Variants in NKAIN3 observed in about 807,000 individuals in gnomAD.
NKAIN3 encodes the protein sodium/potassium-transporting ATPase subunit beta-1-interacting protein 3.
NKAIN3 carries 25 observed loss-of-function variants against 30.2 expected under a neutral mutation model. That is an observed-to-expected ratio of 0.83 (90% CI 0.60 to 1.16). The LOEUF (loss-of-function observed/expected upper bound fraction) is 1.16. Ranked by LOEUF, NKAIN3 falls within the 50% of genes most tolerant of loss-of-function variation. The pLI is 0.00. For missense variants in NKAIN3, 225 were observed against 254.1 expected (o/e 0.89, Z 0.78); for synonymous variants, 91 against 89.6 (o/e 1.02, Z -0.09).
At chr8:62,478,774 G>T (rs138398196) in intron 1 of NKAIN3, among the ~76,000 whole-genome samples, 209 of 152,276 alleles carry the variant, frequency 1.4e-3, no homozygotes, top group Non-Finnish European at 2.4e-3. Context: ...TCAGGGTTAG[G>T]GGGTTGCTGA....
chr8:62,813,650 C>T (rs1040015603), intron 4 of NKAIN3, among the ~76,000 whole-genome samples: 33 of 151,822 alleles, frequency 2.2e-4, no homozygotes, highest in African/African-American at 7.2e-4. Context: ...ACTCTTTGTT[C>T]CTTTCTTCCA....
intron 4 of NKAIN3, among the ~76,000 whole-genome samples, chr8:62,905,748 C>T (rs888513126): frequency 6.6e-6 from 1 of 152,142 alleles, no homozygotes; most frequent in Admixed American, 6.5e-5. Flanking sequence ...TTCTGTACCC[C>T]TCATACTTCT....
At chr8:62,372,496 C>A (rs539921991) in intron 1 of NKAIN3, among the ~76,000 whole-genome samples, 1 of 151,922 alleles carries the variant, frequency 6.6e-6, no homozygotes, top group Admixed American at 6.5e-5. Flanking sequence ...AAGTGAATAC[C>A]TTTAGACATT....
At chr8:62,680,774 A>G (rs1175550498) in intron 3 of NKAIN3, among the ~76,000 whole-genome samples, 1 of 152,108 alleles carries the variant, frequency 6.6e-6, no homozygotes, top group African/African-American at 2.4e-5. Context: ...CCAAACTTTT[A>G]TACTAAATCA....
At chr8:62,572,342 C>T (rs1462639534) in intron 1 of NKAIN3, among the ~76,000 whole-genome samples, 1 of 152,162 alleles carries the variant, frequency 6.6e-6, no homozygotes, top group African/African-American at 2.4e-5. Flanking sequence ...CCTTGTTGTT[C>T]AAATCACTAT....
chr8:62,828,815 C>T (rs776595009), intron 4 of NKAIN3, among the ~76,000 whole-genome samples: 9 of 152,164 alleles, frequency 5.9e-5, no homozygotes, highest in African/African-American at 9.7e-5. Flanking sequence ...CGTAGATAAT[C>T]TCATGAAGAA....
chr8:62,729,050 A>AAAAAAAAAAAAAAAAAAAC (rs1192176170), intron 3 of NKAIN3, among the ~76,000 whole-genome samples: 2 of 143,388 alleles, frequency 1.4e-5, no homozygotes, highest in African/African-American at 2.5e-5. Context: ...CAAAAAAAAA[A>AAAAAAAAAAAAAAAAAAAC]AACCTCCTGC....
chr8:62,767,467 G>A, intron 4 of NKAIN3, among the ~76,000 whole-genome samples: 1 of 152,126 alleles, frequency 6.6e-6, no homozygotes, highest in East Asian at 1.9e-4. Context: ...ATACAGACAG[G>A]CAGACAGAGG....
At chr8:62,579,928 A>G (rs1271145410) in intron 2 of NKAIN3, among the ~76,000 whole-genome samples, 1 of 152,146 alleles carries the variant, frequency 6.6e-6, no homozygotes, top group Non-Finnish European at 1.5e-5. Flanking sequence ...ACTGAATTCA[A>G]GTTTTACAAG....
chr8:62,523,112 T>C (rs1808205903), intron 1 of NKAIN3, among the ~76,000 whole-genome samples: 1 of 152,160 alleles, frequency 6.6e-6, no homozygotes, highest in African/African-American at 2.4e-5. Flanking sequence ...TTTTCTTTTA[T>C]ACTGTATTTT....
intron 1 of NKAIN3, among the ~76,000 whole-genome samples, chr8:62,416,494 C>G (rs2129596388): frequency 6.6e-6 from 1 of 152,204 alleles, no homozygotes; most frequent in South Asian, 2.1e-4. Flanking sequence ...CAAAAAAGAC[C>G]AATGGCTATT....
chr8:62,537,567 G>A (rs1370037346), intron 1 of NKAIN3, among the ~76,000 whole-genome samples: 1 of 151,762 alleles, frequency 6.6e-6, no homozygotes, highest in Non-Finnish European at 1.5e-5. Flanking sequence ...ATCAGGAAGA[G>A]TCTCCTTTTT....
At chr8:62,516,426 C>A (rs1807982874) in intron 1 of NKAIN3, among the ~76,000 whole-genome samples, 1 of 151,974 alleles carries the variant, frequency 6.6e-6, no homozygotes, top group South Asian at 2.1e-4. Flanking sequence ...ATTAGCAGGA[C>A]CTTAATATGT....
At chr8:62,593,389 G>T (rs1446853019) in intron 3 of NKAIN3, among the ~76,000 whole-genome samples, 3 of 151,802 alleles carry the variant, frequency 2.0e-5, no homozygotes, top group Non-Finnish European at 2.9e-5. Flanking sequence ...TCAGTGTTTA[G>T]AGGAAGAAAT....
At chr8:62,919,520 C>A (rs188370471) in intron 5 of NKAIN3, among the ~76,000 whole-genome samples, 1 of 152,126 alleles carries the variant, frequency 6.6e-6, no homozygotes, top group Admixed American at 6.5e-5. Context: ...GCTGGGATTA[C>A]AGGCGTCAGC....
intron 3 of NKAIN3, among the ~76,000 whole-genome samples, chr8:62,656,897 A>C (rs1812778882): frequency 6.6e-6 from 1 of 152,220 alleles, no homozygotes; most frequent in South Asian, 2.1e-4. Flanking sequence ...TGATTACTAA[A>C]TCAACATGTT....
At chr8:62,898,746 A>G (rs1296464567) in intron 4 of NKAIN3, among the ~76,000 whole-genome samples, 1 of 152,160 alleles carries the variant, frequency 6.6e-6, no homozygotes, top group Admixed American at 6.5e-5. Flanking sequence ...ACATAAAGTT[A>G]AAAACCTTCT....
rs1378683991 is a variant in NKAIN3, at chr8:62,967,003, T to C, written c.*1596T>C. ...GCTCATCACAACCACAGTGAGCCAT[T>C]TGGAGACCTAATTTACTCACTAGCC... is the stretch of plus-strand genomic sequence containing the variant. On this transcript the variant is annotated 3_prime_UTR_variant, in exon 7 of 7. Coordinates refer to ENST00000623646, the MANE Select transcript of NKAIN3 (RefSeq NM_001304533.3). Among the ~76,000 whole-genome samples the C allele has an allele frequency of 2.0e-5, 3 of 152,224 alleles. No individual in the cohort carries two copies. Among genetic ancestry groups the C allele is most frequent in the Admixed American group, 6.5e-5 (1 of 15,282 alleles).
At chr8:62,661,214 C>T (rs756166243) in intron 3 of NKAIN3, among the ~76,000 whole-genome samples, 18 of 152,140 alleles carry the variant, frequency 1.2e-4, no homozygotes, top group Admixed American at 2.0e-4. Flanking sequence ...GCCTTTCCTG[C>T]TGTTTTCTCT....
Sources: allele counts gnomAD v4.1 joint callset (sites outside exome capture counted in the v4.1 genomes callset), GRCh38; gene constraint gnomAD v4.1.1; transcripts MANE v1.5; gene names NCBI Gene and HGNC (gene_info 2026-07-23, HGNC 2026-07-21).